The following LDAH variants were observed in gnomAD, a reference collection of about 807,000 sequenced individuals.
LDAH encodes the protein lipid droplet-associated hydrolase.
LDAH carries 26 observed loss-of-function variants against 29.6 expected under a neutral mutation model. That is an observed-to-expected ratio of 0.88 (90% confidence interval 0.64 to 1.22). The LOEUF is 1.22. Ranked by LOEUF, LDAH falls within the 50% of genes most tolerant of loss-of-function variation. The pLI is 0.00. For synonymous variants in LDAH, 117 were observed against 133.0 expected (o/e 0.88, Z 0.83); for missense variants, 344 against 387.3 (o/e 0.89, Z 0.94).
At chr2:20,687,878 G>A (rs899883240) in intron 6 of LDAH, among the ~76,000 whole-genome samples, 1 of 152,242 alleles carries the variant, frequency 6.6e-6, no homozygotes, top group African/African-American at 2.4e-5. Context: ...CAGAAGAACA[G>A]ATAGTGGCAA....
chr2:20,750,795 G>A (rs2124898296), intron 4 of LDAH, among the ~76,000 whole-genome samples: 1 of 152,148 alleles, frequency 6.6e-6, no homozygotes, highest in South Asian at 2.1e-4. Context: ...AAGAAAATAT[G>A]GTACATATAC....
chr2:20,768,307 T>TG (rs1454079295), intron 4 of LDAH, among the ~76,000 whole-genome samples: 1 of 152,210 alleles, frequency 6.6e-6, no homozygotes, highest in Non-Finnish European at 1.5e-5. Context: ...GCCAGAGCTG[T>TG]GACTCCCTCT....
chr2:20,801,762 T>G (rs2125108428), intron 1 of LDAH, among the ~76,000 whole-genome samples: 1 of 152,274 alleles, frequency 6.6e-6, no homozygotes, highest in East Asian at 1.9e-4. Context: ...TAGAATTCTC[T>G]TTTAGCTCTG....
intron 1 of LDAH, among the ~76,000 whole-genome samples, chr2:20,803,598 C>T (rs976011073): frequency 6.6e-6 from 1 of 152,166 alleles, no homozygotes; most frequent in African/African-American, 2.4e-5. Flanking sequence ...GTTACTGTGG[C>T]CCTGCCGCAC....
intron 5 of LDAH, among the ~76,000 whole-genome samples, chr2:20,736,720 T>C (rs910833668): frequency 6.6e-6 from 1 of 152,152 alleles, no homozygotes; most frequent in Non-Finnish European, 1.5e-5. Context: ...TAAATCACCA[T>C]GGACTCTATT....
chr2:20,716,843 C>A lies in LDAH; in HGVS notation c.704-15191G>T, dbSNP rs193125888. ...GTCTTGCCAACAATCTGAGCAATTT[C>A]GGAATTGGATTTTTTTTTCCCAGAG... is the stretch of plus-strand genomic sequence containing the variant. On this transcript the variant is annotated intron_variant, in intron 5 of 6. Coordinates refer to ENST00000237822, the MANE Select transcript of LDAH (RefSeq NM_021925.4). Among the ~76,000 whole-genome samples the A allele has an allele frequency of 3.1e-5, 3 of 96,336 alleles. No homozygotes were observed. The South Asian group carries it at 1.0e-3, about 33-fold the overall frequency. 63.2% of individuals were successfully genotyped at this position (96,336 alleles called of 152,430 possible).
Position 20,685,263 on chromosome 2 carries a change from C to T in LDAH, c.*1640G>A, listed in dbSNP as rs772072134. ...TCTTTATTCTGGTAGGTATGATTTA[C>T]CCAGTATTGTTTACATGCCTTGATT... On this transcript the variant is annotated 3_prime_UTR_variant, in exon 7 of 7. Transcript: ENST00000237822. The T allele has an allele frequency of 6.0e-6, 3 of 498,746 alleles. No individual in the cohort carries two copies. The highest frequency in any genetic ancestry group is 1.0e-5 in the Non-Finnish European group (3 of 287,072). The allele number at this position is 498,746 out of a possible 1,614,324, so 30.9% of individuals were successfully genotyped here.
chr2:20,750,342 T>C (rs1395839561), intron 4 of LDAH, among the ~76,000 whole-genome samples: 2 of 152,196 alleles, frequency 1.3e-5, no homozygotes, highest in East Asian at 3.9e-4. Flanking sequence ...ACTAAACTTC[T>C]GAGGTCTCAG....
At chr2:20,788,221 T>C (rs1670692933) in intron 3 of LDAH, among the ~76,000 whole-genome samples, 2 of 152,200 alleles carry the variant, frequency 1.3e-5, no homozygotes, top group African/African-American at 4.8e-5. Flanking sequence ...AAGGGTCAGT[T>C]GCAAAATACA....
intron 4 of LDAH, among the ~76,000 whole-genome samples, chr2:20,754,635 G>A (rs772782292): frequency 3.3e-5 from 5 of 152,044 alleles, no homozygotes; most frequent in Non-Finnish European, 4.4e-5. Context: ...TGTGCCTGCA[G>A]GTGACCTACT....
At position 20,808,657 on chromosome 2, in the gene LDAH, C is replaced by CAA. The variant is rs57055848; in HGVS notation, c.-2-7194_-2-7193dup. Among the ~76,000 whole-genome samples the CAA allele has an allele frequency of 2.3e-4, 18 of 78,768 alleles. No homozygotes were observed. The East Asian group carries it at 2.4e-3, about 11-fold the overall frequency. 51.7% of individuals were successfully genotyped at this position (78,768 alleles called of 152,430 possible). ...TGCGCGATAGAGAGAGACTCCGTCT[C>CAA]AAAAAAAAAAAAAAAAAGAATAGCC... On this transcript the variant is annotated intron_variant, in intron 1 of 6. Transcript: ENST00000237822.
intron 4 of LDAH, among the ~76,000 whole-genome samples, chr2:20,758,901 C>T (rs1450476916): frequency 6.6e-6 from 1 of 152,136 alleles, no homozygotes. Flanking sequence ...GAAACAAGGG[C>T]CTTAAGGAGA....
intron 3 of LDAH, among the ~76,000 whole-genome samples, chr2:20,788,283 C>A (rs1670697905): frequency 6.6e-6 from 1 of 152,108 alleles, no homozygotes; most frequent in Non-Finnish European, 1.5e-5. Flanking sequence ...ATCTGACGTG[C>A]AACATTTACA....
intron 5 of LDAH, among the ~76,000 whole-genome samples, chr2:20,707,645 G>C (rs1045027133): frequency 1.9e-4 from 29 of 152,174 alleles, no homozygotes; most frequent in Admixed American, 5.2e-4. Context: ...CAGCACAATT[G>C]TATGAGAAAT....
At chr2:20,812,776 A>G (rs769751650) in intron 1 of LDAH, among the ~76,000 whole-genome samples, 1 of 152,212 alleles carries the variant, frequency 6.6e-6, no homozygotes, top group Non-Finnish European at 1.5e-5. Context: ...TTAAAAATAG[A>G]TATTAACAAA....
chr2:20,743,448 A>G (rs945439106), intron 4 of LDAH, among the ~76,000 whole-genome samples: 2 of 152,130 alleles, frequency 1.3e-5, no homozygotes, highest in Admixed American at 6.5e-5. Context: ...ATACCACTTT[A>G]TAAGTAGTGT....
rs1402527897 is a variant in LDAH at position 20,698,011 on chromosome 2, C to A, written c.786+3559G>T. On this transcript the variant is annotated intron_variant, in intron 6 of 6. Coordinates refer to ENST00000237822, the MANE Select transcript of LDAH (RefSeq NM_021925.4). The surrounding 1 kb of genome is among the most constrained non-coding windows in gnomAD (Gnocchi z 4.4). ...ATTATATCTCATTATCCAACAACTTCTTTCTTTTGTAATCTTGTGTATTTT... is the reference window on the plus strand; with the variant it reads ...ATTATATCTCATTATCCAACAACTTATTTCTTTTGTAATCTTGTGTATTTT... 1.3e-5 allele frequency among the ~76,000 whole-genome samples: 2 copies of A among 152,162 alleles called. No individual in the cohort carries two copies. The highest frequency in any genetic ancestry group is 6.5e-5 in the Admixed American group (1 of 15,284).
chr2:20,733,015 C>G (rs776564404), intron 5 of LDAH, among the ~76,000 whole-genome samples: 1 of 151,850 alleles, frequency 6.6e-6, no homozygotes, highest in Non-Finnish European at 1.5e-5. Context: ...AATTTCTATT[C>G]TTGTTATTTC....
At position 20,686,669 on chromosome 2, in the gene LDAH, T is replaced by C; in HGVS notation, c.*234A>G. On this transcript the variant is annotated 3_prime_UTR_variant, in exon 7 of 7. Coordinates refer to ENST00000237822, the MANE Select transcript of LDAH (RefSeq NM_021925.4). Reference sequence around the variant, plus strand: ...TCTTGTGCAAACACAAGACTCTGTGTAGATCACTGTGTTCCCTGAGTCTTG... The same window carrying C: ...TCTTGTGCAAACACAAGACTCTGTGCAGATCACTGTGTTCCCTGAGTCTTG... 2.5e-6 allele frequency: 1 copy of C among 397,036 alleles called. No homozygotes were observed. Among genetic ancestry groups the C allele is most frequent in the Non-Finnish European group, 4.5e-6 (1 of 220,268 alleles). The allele number at this position is 397,036 out of a possible 1,614,324, so 24.6% of individuals were successfully genotyped here.
Sources: allele counts gnomAD v4.1 joint callset (sites outside exome capture counted in the v4.1 genomes callset), GRCh38; gene constraint gnomAD v4.1.1; non-coding constraint Gnocchi (gnomAD v3.1); transcripts MANE v1.5; gene names NCBI Gene and HGNC (gene_info 2026-07-23, HGNC 2026-07-21).